Variants in SCFD1 observed in about 807,000 individuals in gnomAD.
The protein encoded by SCFD1 is sec1 family domain-containing protein 1.
In SCFD1, 37 loss-of-function variants were observed where a neutral mutation model predicts 103.2. The ratio of observed to expected loss-of-function variants is 0.36; its 90% CI spans 0.28 to 0.47. The LOEUF is 0.47. Ranked by LOEUF, SCFD1 falls within the 20% of genes least tolerant of loss-of-function variation. The pLI, the probability that SCFD1 is intolerant of heterozygous loss-of-function variation, is 1.00. For synonymous variants in SCFD1, 264 were observed against 245.0 expected (o/e 1.08, Z -0.73); for missense variants, 639 against 761.2 (o/e 0.84, Z 1.89).
At chr14:30,702,680 A>G (rs1891162621) in intron 17 of SCFD1, among the ~76,000 whole-genome samples, 2 of 152,198 alleles carry the variant, frequency 1.3e-5, no homozygotes, top group African/African-American at 4.8e-5. Flanking sequence ...TAATTTGACT[A>G]GTAATCAAAG....
At chr14:30,662,954 T>G (rs1286643789) in intron 10 of SCFD1, among the ~76,000 whole-genome samples, 1 of 152,212 alleles carries the variant, frequency 6.6e-6, no homozygotes, top group Non-Finnish European at 1.5e-5. Flanking sequence ...GATTAGACTC[T>G]ATCATGTTAA....
chr14:30,624,114 C>G (rs1883139687), intron 1 of SCFD1, among the ~76,000 whole-genome samples: 1 of 152,138 alleles, frequency 6.6e-6, no homozygotes, highest in Admixed American at 6.5e-5. Context: ...TATTGGTCTC[C>G]TGAAAAATCT....
chr14:30,636,583 A>C (rs895590715), intron 4 of SCFD1, among the ~76,000 whole-genome samples: 1 of 152,016 alleles, frequency 6.6e-6, no homozygotes, highest in Non-Finnish European at 1.5e-5. Context: ...TTGCATTGAT[A>C]TCTATGTCTT....
At chr14:30,690,580 G>GC (rs1378594510) in intron 14 of SCFD1, among the ~76,000 whole-genome samples, 2 of 138,686 alleles carry the variant, frequency 1.4e-5, no homozygotes, top group African/African-American at 6.1e-5. Context: ...TTTTCCAGGT[G>GC]CGTCCGTCAC....
intron 20 of SCFD1, among the ~76,000 whole-genome samples, chr14:30,716,723 A>G (rs1892303273): frequency 6.6e-6 from 1 of 152,214 alleles, no homozygotes; most frequent in Admixed American, 6.5e-5. Flanking sequence ...TCTAAGAAAG[A>G]GTGAGAACAG....
intron 23 of SCFD1, among the ~76,000 whole-genome samples, chr14:30,733,460 A>G (rs879300743): frequency 6.6e-6 from 1 of 152,232 alleles, no homozygotes; most frequent in Non-Finnish European, 1.5e-5. Context: ...ACGATTAGAA[A>G]AGAATGATGA....
chr14:30,625,569 G>A (rs1883306171), intron 1 of SCFD1, among the ~76,000 whole-genome samples: 1 of 150,184 alleles, frequency 6.7e-6, no homozygotes, highest in South Asian at 2.1e-4. Context: ...CTGAACACAG[G>A]CCGTGTACTC....
intron 10 of SCFD1, among the ~76,000 whole-genome samples, chr14:30,668,668 A>T (rs1303019216): frequency 6.6e-6 from 1 of 152,046 alleles, no homozygotes; most frequent in Admixed American, 6.6e-5. Context: ...AGGGCTAATA[A>T]CCAGAATCTA....
rs1199705948 is a variant in SCFD1, at chr14:30,674,067, T to C, written c.1160+70T>C. ...ATTTTTTTTTTATTTAACTAAAAAA[T>C]TGTTAATGTTTTTAACTAGTAGGAA... On this transcript the variant is annotated intron_variant, in intron 13 of 24. Coordinates refer to ENST00000458591, the MANE Select transcript of SCFD1 (RefSeq NM_016106.4). The C allele has an allele frequency of 8.1e-6, 9 of 1,109,738 alleles. No homozygotes were observed. The African/African-American group carries it at 1.4e-4, about 18-fold the overall frequency. The allele number at this position is 1,109,738 out of a possible 1,614,324, so 68.7% of individuals were successfully genotyped here. A position where few individuals can be genotyped will look rare whatever the true frequency, so the allele number is the denominator to read the frequency against.
intron 1 of SCFD1, among the ~76,000 whole-genome samples, chr14:30,625,599 TTATAGGTATAGGTATACCTA>T (rs201742062): frequency 0.23 from 16,680 of 73,406 alleles, 986 homozygotes; most frequent in African/African-American, 0.33. Flanking sequence ...ATCCTTTTTG[TTATAGGTATAGGTATACCTA>T]TATAGGTATA....
At chr14:30,678,923 G>A (rs1225175108) in intron 14 of SCFD1, among the ~76,000 whole-genome samples, 1 of 152,184 alleles carries the variant, frequency 6.6e-6, no homozygotes. Context: ...GACATCATCT[G>A]ATTAGGTGAT....
intron 1 of SCFD1, among the ~76,000 whole-genome samples, chr14:30,627,929 A>G (rs1179342636): frequency 2.0e-5 from 3 of 151,582 alleles, no homozygotes; most frequent in African/African-American, 7.3e-5. Flanking sequence ...CAGCATCAGT[A>G]TATTGAGGCC....
chr14:30,680,779 CAA>C (rs1050785609), intron 14 of SCFD1, among the ~76,000 whole-genome samples: 4 of 152,036 alleles, frequency 2.6e-5, no homozygotes, highest in Non-Finnish European at 4.4e-5. Flanking sequence ...ATAAAAATAA[CAA>C]AAAATAGAGA....
chr14:30,632,046 GAAAAAAAAAAAAAAA>G lies in SCFD1; in HGVS notation c.221+1492_221+1506del, dbSNP rs61645782. On this transcript the variant is annotated intron_variant, in intron 3 of 24. Coordinates refer to ENST00000458591, the MANE Select transcript of SCFD1 (RefSeq NM_016106.4). Reference sequence around the variant, plus strand: ...CTGGGCAGCAGAGCAAGATTCTGTTGAAAAAAAAAAAAAAAAAAAAAAAAAGAACGTTTGGAGAAG... The same window carrying G: ...CTGGGCAGCAGAGCAAGATTCTGTTGAAAAAAAAAAGAACGTTTGGAGAAG... Among the ~76,000 whole-genome samples, 4 of 70,266 alleles carry G rather than the reference GAAAAAAAAAAAAAAA, an allele frequency of 5.7e-5. No homozygotes were observed. In the East Asian group the frequency reaches 1.3e-3, roughly 22 times the overall value. 46.1% of individuals were successfully genotyped at this position (70,266 alleles called of 152,430 possible).
At chr14:30,630,669 C>A (rs1884016980) in intron 3 of SCFD1, 104 bp downstream of exon 3, 4 of 688,212 alleles carry the variant, frequency 5.8e-6, no homozygotes, top group African/African-American at 5.6e-5. Flanking sequence ...CATTTTTTCC[C>A]TGTATCTTCT....
intron 19 of SCFD1, 149 bp from the exon 20 acceptor site, chr14:30,715,775 G>A: frequency 1.8e-6 from 1 of 541,710 alleles, no homozygotes; most frequent in Non-Finnish European, 3.3e-6. Flanking sequence ...TTACATCTTT[G>A]ACATCACCTT....
At position 30,722,506 on chromosome 14, in the gene SCFD1, G is replaced by T. The variant is rs760897220; in HGVS notation, c.1783G>T (p.Val595Leu). The T allele has an allele frequency of 1.3e-5, 21 of 1,588,382 alleles. No homozygotes were observed. Among genetic ancestry groups the T allele is most frequent in the Non-Finnish European group, 1.7e-5 (20 of 1,166,428 alleles). The change falls in exon 23 of 25, where the codon GTG (valine) becomes TTG (leucine). Residue 595 changes from valine to leucine, a missense_variant. Coordinates refer to ENST00000458591, the MANE Select transcript of SCFD1 (RefSeq NM_016106.4). The part of the protein sequence containing the change: ...KNPFQEAIVF[V>L]VGGGNYIEYQ... ...GTTTGCATTTTAGGCCATTGTTTTTGTGGTGGGAGGAGGCAACTACATTGA... is the reference window on the plus strand; with the variant it reads ...GTTTGCATTTTAGGCCATTGTTTTTTTGGTGGGAGGAGGCAACTACATTGA...
intron 10 of SCFD1, among the ~76,000 whole-genome samples, chr14:30,666,151 G>A (rs1228650997): frequency 6.6e-6 from 1 of 152,160 alleles, no homozygotes; most frequent in Non-Finnish European, 1.5e-5. Flanking sequence ...CCACATAGTT[G>A]GTAGTAAAGC....
At chr14:30,638,604 A>T (rs1884970653) in intron 5 of SCFD1, among the ~76,000 whole-genome samples, 1 of 152,172 alleles carries the variant, frequency 6.6e-6, no homozygotes, top group South Asian at 2.1e-4. Flanking sequence ...TTTATCTGTA[A>T]TCATTATAAT....
Sources: gnomAD v4.1 joint callset for allele counts (sites outside exome capture counted in the v4.1 genomes callset) on GRCh38, gnomAD v4.1.1 for gene constraint, MANE v1.5 for transcripts, NCBI Gene and HGNC (gene_info 2026-07-23, HGNC 2026-07-21) for gene names.